PDE4B: variants seen among roughly 807,000 people sequenced by gnomAD.
The protein encoded by PDE4B is phosphodiesterase 4B.
A neutral mutation model predicts 82.2 loss-of-function variants in PDE4B; 20 were observed. That is an observed-to-expected ratio of 0.24 (90% CI 0.17 to 0.35). The LOEUF (loss-of-function observed/expected upper bound fraction) is 0.35. PDE4B is among the 10% of genes least tolerant of loss of function. The pLI, the probability that PDE4B is intolerant of heterozygous loss-of-function variation, is 1.00. For synonymous variants in PDE4B, 320 were observed against 318.9 expected, an observed-to-expected ratio of 1.00 and a Z score of -0.04; for missense variants, 655 against 907.2, an observed-to-expected ratio of 0.72 and a Z score of 3.57.
intron 3 of PDE4B, among the ~76,000 whole-genome samples, chr1:66,069,517 A>T (rs560977939): frequency 3.3e-5 from 5 of 151,972 alleles, no homozygotes; most frequent in African/African-American, 1.2e-4. Context: ...GTTTTGCATT[A>T]TACTATTTTC....
chr1:65,817,496 C>A lies in PDE4B; in HGVS notation c.-71+24248C>A, dbSNP rs142571344. Among the ~76,000 whole-genome samples, 524 of 152,326 alleles carry A rather than the reference C, an allele frequency of 3.4e-3. 3 individuals are homozygous for A. The highest frequency in any genetic ancestry group is 0.012 in the African/African-American group (507 of 41,572). On this transcript the variant is annotated intron_variant, in intron 1 of 16. Transcript: ENST00000341517. ...GGGTCCCAACTCACTGCTGTGTACACATGAAGTGGTTTTTATTTATTTATT... is the reference window on the plus strand; with the variant it reads ...GGGTCCCAACTCACTGCTGTGTACAAATGAAGTGGTTTTTATTTATTTATT...
chr1:65,950,228 T>C (rs989684316), intron 3 of PDE4B, among the ~76,000 whole-genome samples: 3 of 152,042 alleles, frequency 2.0e-5, no homozygotes, highest in African/African-American at 7.2e-5. Flanking sequence ...ACCCAGAGTA[T>C]TGTCGCAGCT....
intron 3 of PDE4B, among the ~76,000 whole-genome samples, chr1:66,164,577 A>AAAAG (rs1183311247): frequency 6.8e-5 from 10 of 146,458 alleles, no homozygotes; most frequent in Non-Finnish European, 7.6e-5. Flanking sequence ...GAAAGAAAGA[A>AAAAG]AAAGAAAGAA....
intron 3 of PDE4B, among the ~76,000 whole-genome samples, chr1:66,202,380 GA>G (rs1456089715): frequency 6.6e-6 from 1 of 152,186 alleles, no homozygotes. Flanking sequence ...GTGCAGAGCT[GA>G]ATTCAATTCC....
chr1:66,054,971 G>A (rs1169601824), intron 3 of PDE4B, among the ~76,000 whole-genome samples: 1 of 152,164 alleles, frequency 6.6e-6, no homozygotes, highest in Non-Finnish European at 1.5e-5. Context: ...GTAAACTAGT[G>A]TTGTCATGGA....
chr1:65,841,935 G>A (rs1350998625), intron 1 of PDE4B, among the ~76,000 whole-genome samples: 1 of 152,002 alleles, frequency 6.6e-6, no homozygotes, highest in Non-Finnish European at 1.5e-5. Flanking sequence ...ATTCTGAGTG[G>A]CAATAACAAA....
At chr1:66,097,663 A>T (rs918277116) in intron 3 of PDE4B, among the ~76,000 whole-genome samples, 1 of 151,428 alleles carries the variant, frequency 6.6e-6, no homozygotes, top group Non-Finnish European at 1.5e-5. Flanking sequence ...CCATTATTTT[A>T]TATTACTCTT....
At chr1:66,123,009 A>AT (rs1446684237) in intron 3 of PDE4B, among the ~76,000 whole-genome samples, 4 of 151,344 alleles carry the variant, frequency 2.6e-5, no homozygotes, top group African/African-American at 4.8e-5. Context: ...CCTGGCCAGG[A>AT]TTTTTTTTCA....
intron 4 of PDE4B, among the ~76,000 whole-genome samples, chr1:66,253,962 T>C (rs938715508): frequency 3.9e-5 from 6 of 152,248 alleles, no homozygotes; most frequent in African/African-American, 1.4e-4. Flanking sequence ...AATGTTTCTT[T>C]ATCTCCCTTT....
intron 3 of PDE4B, among the ~76,000 whole-genome samples, chr1:66,214,736 A>T (rs562399345): frequency 2.8e-4 from 43 of 152,284 alleles, no homozygotes; most frequent in African/African-American, 1.0e-3. Context: ...AGAGGTCTGA[A>T]TTACTCCAAA....
intron 1 of PDE4B, among the ~76,000 whole-genome samples, chr1:65,802,507 C>A (rs1645704968): frequency 6.6e-6 from 1 of 151,928 alleles, no homozygotes; most frequent in African/African-American, 2.4e-5. Context: ...TACCTAAGTA[C>A]AAGGAATTAT....
intron 3 of PDE4B, among the ~76,000 whole-genome samples, chr1:66,054,134 C>CT (rs1236131430): frequency 6.6e-6 from 1 of 152,102 alleles, no homozygotes; most frequent in African/African-American, 2.4e-5. Flanking sequence ...GAAGCTTGTG[C>CT]TTTTATATTT....
intron 1 of PDE4B, among the ~76,000 whole-genome samples, chr1:65,834,527 C>T (rs982256917): frequency 3.3e-5 from 5 of 152,222 alleles, no homozygotes; most frequent in East Asian, 1.9e-4. Flanking sequence ...TGAGAAAGGG[C>T]GGAAAAACCA....
At chr1:66,258,670 C>G (rs187935762) in intron 6 of PDE4B, among the ~76,000 whole-genome samples, 24 of 152,262 alleles carry the variant, frequency 1.6e-4, no homozygotes, top group East Asian at 1.9e-4. Flanking sequence ...CCCCTCCCCC[C>G]GCATAAGTTA....
At chr1:66,228,625 T>TCA (rs1651668394) in intron 3 of PDE4B, among the ~76,000 whole-genome samples, 1 of 131,328 alleles carries the variant, frequency 7.6e-6, no homozygotes, top group African/African-American at 3.8e-5. Flanking sequence ...CAAGACTCCG[T>TCA]TAAAAAAAAA....
At chr1:66,369,330 A>G (rs994755536) in intron 16 of PDE4B, among the ~76,000 whole-genome samples, 1 of 152,132 alleles carries the variant, frequency 6.6e-6, no homozygotes, top group Non-Finnish European at 1.5e-5. Flanking sequence ...TCTACTCCTC[A>G]TCCTTGCTTC....
chr1:65,811,810 A>C (rs1645824786), intron 1 of PDE4B, among the ~76,000 whole-genome samples: 1 of 152,176 alleles, frequency 6.6e-6, no homozygotes, highest in African/African-American at 2.4e-5. Context: ...CATAATTTAC[A>C]TATACTTTTA....
At chr1:65,846,144 T>C (rs1394675977) in intron 1 of PDE4B, among the ~76,000 whole-genome samples, 1 of 152,194 alleles carries the variant, frequency 6.6e-6, no homozygotes, top group Non-Finnish European at 1.5e-5. Flanking sequence ...ACAGGTTGTT[T>C]CCACCCAGGA....
At chr1:66,178,396 G>A (rs796528997) in intron 3 of PDE4B, among the ~76,000 whole-genome samples, 9 of 151,830 alleles carry the variant, frequency 5.9e-5, no homozygotes, top group African/African-American at 1.9e-4. Flanking sequence ...ATGAAAACTC[G>A]GTTCCGTGTT....
Sources: gnomAD v4.1 joint callset for allele counts (sites outside exome capture counted in the v4.1 genomes callset) on GRCh38, gnomAD v4.1.1 for gene constraint, MANE v1.5 for transcripts, NCBI Gene and HGNC (gene_info 2026-07-23, HGNC 2026-07-21) for gene names.